Variants in SREBF2 observed in about 807,000 individuals in gnomAD.
SREBF2 encodes the protein sterol regulatory element binding transcription factor 2.
SREBF2 carries 55 observed loss-of-function variants against 113.1 expected under a neutral mutation model. The ratio of observed to expected loss-of-function variants is 0.49; its 90% confidence interval spans 0.39 to 0.61. SREBF2 has a LOEUF of 0.61. Ranked by LOEUF, SREBF2 falls within the 20% of genes least tolerant of loss-of-function variation. SREBF2 has a pLI of 0.00. For synonymous variants in SREBF2, 593 were observed against 605.7 expected, an observed-to-expected ratio of 0.98 and a Z score of 0.31; for missense variants, 1,349 against 1,487.4, an observed-to-expected ratio of 0.91 and a Z score of 1.53.
At chr22:41,865,323 A>G (rs1376147769) in intron 1 of SREBF2, among the ~76,000 whole-genome samples, 3 of 152,152 alleles carry the variant, frequency 2.0e-5, no homozygotes, top group Non-Finnish European at 1.5e-5. Context: ...AGGAGGGGCC[A>G]TAGTTCAAGA....
intron 4 of SREBF2, among the ~76,000 whole-genome samples, chr22:41,871,821 C>T (rs1029315352): frequency 6.6e-6 from 1 of 151,344 alleles, no homozygotes; most frequent in African/African-American, 2.4e-5. Context: ...ATTGCTTGAA[C>T]CTGAGAGGTG....
At chr22:41,893,334 G>A (rs376191010) in intron 12 of SREBF2, 49 bp downstream of exon 12, 110 of 1,600,376 alleles carry the variant, frequency 6.9e-5, no homozygotes, top group Non-Finnish European at 3.9e-5. Context: ...CATGCAAACC[G>A]CCGGTACTAC....
intron 1 of SREBF2, among the ~76,000 whole-genome samples, chr22:41,864,948 A>G (rs1006978564): frequency 5.3e-5 from 8 of 151,786 alleles, no homozygotes; most frequent in Admixed American, 5.3e-4. Flanking sequence ...GCAATACCCT[A>G]TCTCAAAAAA....
intron 11 of SREBF2, among the ~76,000 whole-genome samples, chr22:41,892,673 A>G (rs991522690): frequency 5.4e-5 from 8 of 147,408 alleles, no homozygotes; most frequent in African/African-American, 1.8e-4. Context: ...AAAAAATGAC[A>G]TGATAAAAAG....
chr22:41,899,518 G>C, intron 15 of SREBF2: 5 of 992,510 alleles, frequency 5.0e-6, no homozygotes, highest in Non-Finnish European at 6.0e-6. Context: ...CTATCAAGCA[G>C]ACCCTTAACC....
chr22:41,882,922 G>C (rs938326661), intron 10 of SREBF2, among the ~76,000 whole-genome samples: 5 of 152,168 alleles, frequency 3.3e-5, no homozygotes, highest in Non-Finnish European at 5.9e-5. Context: ...TGGGAAACAC[G>C]GGGAGACTCC....
At position 41,900,334 on chromosome 22, in the gene SREBF2, C is replaced by T; in HGVS notation, c.2743C>T (p.Pro915Ser). Residue 915 changes from proline (P) to serine (S), a missense_variant, in exon 16 of 19, where the codon CCC (proline) becomes TCC (serine). This residue lies in a region of SREBF2 where 650 missense variants were observed against 644.1 expected (regional missense o/e 1.01). Transcript: ENST00000361204. The stretch of plus-strand genomic sequence containing the variant: ...GACTCCCTGTCACTGCTGCAGGAGC[C>T]CCCTGGTGAAGGCCATCTTCCATGC... ...IPKALEVTES[P>S]LVKAIFHACR... 4.3e-6 allele frequency: 7 copies of T among 1,613,090 alleles called. No individual in the cohort carries two copies. Among genetic ancestry groups the T allele is most frequent in the Non-Finnish European group, 5.9e-6 (7 of 1,180,030 alleles).
chr22:41,896,956 A>G lies in SREBF2; in HGVS notation c.2496-96A>G, dbSNP rs936924037. 4 of 829,528 alleles carry G rather than the reference A, an allele frequency of 4.8e-6. No homozygotes were observed. In the African/African-American group the frequency reaches 6.7e-5, roughly 14 times the overall value. 51.4% of individuals were successfully genotyped at this position (829,528 alleles called of 1,614,324 possible). On this transcript the variant is annotated intron_variant, in intron 13 of 18. Transcript: ENST00000361204. ...TGACAGGAAAGGGACAGAAATGGCC[A>G]TTGGGTCTTAGAGCTGGAGAGCTGA...
At chr22:41,847,803 T>G (rs2076890906) in intron 1 of SREBF2, among the ~76,000 whole-genome samples, 1 of 152,260 alleles carries the variant, frequency 6.6e-6, no homozygotes, top group Admixed American at 6.5e-5. Context: ...TAGTAAGAGC[T>G]CAGCAAATGT....
chr22:41,878,923 T>G (rs2077221810), intron 9 of SREBF2, among the ~76,000 whole-genome samples: 1 of 152,214 alleles, frequency 6.6e-6, no homozygotes, highest in Admixed American at 6.5e-5. Flanking sequence ...AAGATGTATA[T>G]CCTAGAGGCA....
At chr22:41,892,432 G>A (rs921311915) in intron 11 of SREBF2, among the ~76,000 whole-genome samples, 23 of 152,000 alleles carry the variant, frequency 1.5e-4, no homozygotes, top group East Asian at 1.9e-4. Flanking sequence ...GGCGGATCAC[G>A]AGGTCAAGAG....
At chr22:41,835,570 A>G (rs974773024) in intron 1 of SREBF2, among the ~76,000 whole-genome samples, 6 of 152,134 alleles carry the variant, frequency 3.9e-5, no homozygotes, top group Non-Finnish European at 2.9e-5. Flanking sequence ...TTGGCCTCCT[A>G]AAGTGCTGAG....
At chr22:41,843,540 C>T (rs981896016) in intron 1 of SREBF2, among the ~76,000 whole-genome samples, 2 of 152,214 alleles carry the variant, frequency 1.3e-5, no homozygotes, top group Admixed American at 6.5e-5. Flanking sequence ...GATCACGTAG[C>T]TTGTAAGTGA....
intron 7 of SREBF2, among the ~76,000 whole-genome samples, chr22:41,876,793 A>G (rs2077201270): frequency 6.6e-6 from 1 of 152,204 alleles, no homozygotes; most frequent in Non-Finnish European, 1.5e-5. Context: ...CAAGATATAG[A>G]ACATTTCCAT....
chr22:41,854,873 T>A (rs1367313190), intron 1 of SREBF2, among the ~76,000 whole-genome samples: 1 of 151,992 alleles, frequency 6.6e-6, no homozygotes, highest in South Asian at 2.1e-4. Flanking sequence ...AGAGTGAGAC[T>A]CTGTCTCAAA....
rs924951219 is a variant in SREBF2 at position 41,882,940 on chromosome 22, C to CA, written c.2039-1894dup. 5.9e-5 allele frequency among the ~76,000 whole-genome samples: 9 copies of CA among 151,972 alleles called. 2 individuals are homozygous for CA. The highest frequency in any genetic ancestry group is 5.9e-4 in the Admixed American group (9 of 15,246). Reference sequence around the variant, plus strand: ...GAAACACGGGGAGACTCCATCTCTCCAAAAAAAATTCAAAAAATTAGCTGG... The same window carrying CA: ...GAAACACGGGGAGACTCCATCTCTCCAAAAAAAAATTCAAAAAATTAGCTGG... On this transcript the variant is annotated intron_variant, in intron 10 of 18. Transcript: ENST00000361204.
intron 10 of SREBF2, 63 bp from the exon 11 acceptor site, chr22:41,884,779 G>C: frequency 5.1e-6 from 8 of 1,575,844 alleles, no homozygotes; most frequent in Non-Finnish European, 7.0e-6. Context: ...GTGCTGGAGA[G>C]AGCAGGAAAA....
In SREBF2 at chr22:41,906,205, G is replaced by A; in HGVS notation, c.*545G>A. 2.9e-6 allele frequency: 1 copy of A among 349,832 alleles called. No individual in the cohort carries two copies. Among genetic ancestry groups the A allele is most frequent in the Non-Finnish European group, 5.6e-6 (1 of 178,764 alleles). 21.7% of individuals were successfully genotyped at this position (349,832 alleles called of 1,614,324 possible). On this transcript the variant is annotated 3_prime_UTR_variant, in exon 19 of 19. Transcript: ENST00000361204. ...GGTCTGCGTTCCCTCCCCTGGGCCT[G>A]ACTGAGCCTGCTCATTGTTTTTCCC...
chr22:41,903,745 C>G (rs2077483370), intron 17 of SREBF2, among the ~76,000 whole-genome samples: 2 of 152,176 alleles, frequency 1.3e-5, no homozygotes, highest in African/African-American at 4.8e-5. Flanking sequence ...TGAGATGACT[C>G]AAGTGTCATT....
Sources: gnomAD v4.1 joint callset for allele counts (sites outside exome capture counted in the v4.1 genomes callset) on GRCh38, gnomAD v4.1.1 for gene constraint, gnomAD v4.1.1 regional missense constraint, MANE v1.5 for transcripts, NCBI Gene and HGNC (gene_info 2026-07-23, HGNC 2026-07-21) for gene names.